Variants in NBEAL2 observed in about 807,000 individuals in gnomAD.
NBEAL2 encodes the protein neurobeachin like 2, also known as neurobeachin-like protein 2.
NBEAL2 carries 160 observed loss-of-function variants against 299.8 expected under a neutral mutation model. The observed-to-expected ratio is 0.53, with a 90% CI of 0.47 to 0.61. The LOEUF is 0.61. Among genes scored for constraint, NBEAL2 ranks in the 20% least tolerant of loss-of-function variants. The pLI, the probability that NBEAL2 is intolerant of heterozygous loss-of-function variation, is 0.00. For missense variants in NBEAL2, 3,112 were observed against 3,649.0 expected (o/e 0.85, Z 3.79); for synonymous variants, 1,493 against 1,542.3 (o/e 0.97, Z 0.75).
chr3:47,004,051 C>G lies in NBEAL2; in HGVS notation c.5882-26C>G, dbSNP rs993843866. ...CTGGGTGGGGCTGGGGTGAGTGACT[C>G]CCGTACCTGCTGTTCCTCCCCATAG... On this transcript the variant is annotated intron_variant, in intron 36 of 53. Transcript: ENST00000450053. This position sits in a 1 kb window ranked among gnomAD's most constrained non-coding sequence, Gnocchi z 5.0. The G allele has an allele frequency of 4.4e-6, 7 of 1,606,866 alleles. No homozygotes were observed. The highest frequency in any genetic ancestry group is 6.0e-6 in the Non-Finnish European group (7 of 1,175,282).
intron 10 of NBEAL2, among the ~76,000 whole-genome samples, chr3:46,993,067 C>T (rs2036223124): frequency 1.3e-5 from 2 of 152,210 alleles, no homozygotes. Context: ...TCTGGGGGCT[C>T]AACCTGTGGG....
chr3:47,003,792 G>A lies in NBEAL2; in HGVS notation c.5721-24G>A, dbSNP rs111726694. The A allele has an allele frequency of 3.2e-3, 5,004 of 1,570,984 alleles. 123 individuals carry two copies. In the African/African-American group the frequency reaches 0.057, roughly 18 times the overall value. ...AGAAGGGGGTCCCAGAGCCTACAGC[G>A]TGAGGTGGGTTGCTGGTCTTTAGGA... On this transcript the variant is annotated intron_variant, in intron 35 of 53. Transcript: ENST00000450053. The surrounding 1 kb of genome is among the most constrained non-coding windows in gnomAD (Gnocchi z 7.0).
At chr3:47,008,718 G>A in intron 52 of NBEAL2, 50 bp downstream of exon 52, 5 of 1,607,418 alleles carry the variant, frequency 3.1e-6, no homozygotes, top group Non-Finnish European at 4.2e-6. Flanking sequence ...GTGGTCATTG[G>A]TGTAGGATAA....
Position 47,001,821 on chromosome 3 carries a change from C to G in NBEAL2, c.4777C>G (p.Pro1593Ala). 1 of 1,613,762 alleles carries G rather than the reference C, an allele frequency of 6.2e-7. No individual in the cohort carries two copies. The highest frequency in any genetic ancestry group is 8.5e-7 in the Non-Finnish European group (1 of 1,179,876). ...LVLGYILLED[P>A]QLHAQAYVRL... ...ACTTGGCTACATCCTGCTGGAAGACCCACAGGTGAGCACAGGGTGAGCATG... is the reference window on the plus strand; with the variant it reads ...ACTTGGCTACATCCTGCTGGAAGACGCACAGGTGAGCACAGGGTGAGCATG... Residue 1593 changes from proline to alanine, a missense_variant, in exon 30 of 54, where the codon CCA becomes GCA. Pro to Ala is a conservative substitution (Grantham distance 27). Coordinates refer to ENST00000450053, the MANE Select transcript of NBEAL2 (RefSeq NM_015175.3). The surrounding 1 kb of genome is among the most constrained non-coding windows in gnomAD (Gnocchi z 6.1).
Position 47,003,135 on chromosome 3 carries a change from C to A in NBEAL2, c.5585-39C>A, listed in dbSNP as rs758177445. 1 of 1,608,854 alleles carries A rather than the reference C, an allele frequency of 6.2e-7. No individual in the cohort carries two copies. On this transcript the variant is annotated intron_variant, in intron 34 of 53. Coordinates refer to ENST00000450053, the MANE Select transcript of NBEAL2 (RefSeq NM_015175.3). This position sits in a 1 kb window ranked among gnomAD's most constrained non-coding sequence, Gnocchi z 7.0. ...CCAACTCGATTGTCCCGTCTCCTGT[C>A]CTGCCTTGCTTCTGCTGAGTACCCT...
intron 1 of NBEAL2, among the ~76,000 whole-genome samples, chr3:46,981,436 G>A (rs1457118520): frequency 5.3e-5 from 8 of 151,642 alleles, no homozygotes; most frequent in Non-Finnish European, 8.8e-5. Context: ...GTGAGACTCC[G>A]TCTCAAAAAA....
At chr3:47,002,928 C>A in intron 33 of NBEAL2, 29 bp from the exon 34 acceptor site, 1 of 1,609,956 alleles carries the variant, frequency 6.2e-7, no homozygotes, top group South Asian at 1.1e-5. Context: ...AGCCTTCTAC[C>A]GACCCATGAC....
chr3:46,994,015 G>A lies in NBEAL2; in HGVS notation c.1192G>A (p.Ala398Thr). 1 of 1,609,436 alleles carries A rather than the reference G, an allele frequency of 6.2e-7. No individual in the cohort carries two copies. The highest frequency in any genetic ancestry group is 2.2e-5 in the East Asian group (1 of 44,730). The change falls in exon 11 of 54, where the codon GCC becomes ACC. Residue 398 changes from alanine to threonine, a missense_variant. This residue lies in a region of NBEAL2 where 2,243 missense variants were observed against 2,538.1 expected (regional missense o/e 0.88). Transcript: ENST00000450053. ...CTGCATCATGAGTGACTCCCCCTCG[G>A]CCAAGGTGAGGCTGCTGCACTGCAG... The part of the protein sequence containing the change: ...LTCIMSDSPS[A>T]KEVFKERIGY...
intron 1 of NBEAL2, chr3:46,987,930 C>G: frequency 8.4e-7 from 1 of 1,189,678 alleles, no homozygotes. Flanking sequence ...GTCCCCCTCC[C>G]CCACCGTGAC....
intron 19 of NBEAL2, 29 bp from the exon 20 acceptor site, chr3:46,997,532 A>G (rs752304229): frequency 6.3e-7 from 1 of 1,581,122 alleles, no homozygotes; most frequent in Non-Finnish European, 8.6e-7. Context: ...CCCTTGACAC[A>G]CATCTGTCCC....
Position 46,999,428 on chromosome 3 carries a change from T to G in NBEAL2, c.3657T>G (p.Val1219=). The change falls in exon 25 of 54, where the codon GTT becomes GTG. Residue 1219 remains valine (V), a synonymous_variant. Transcript: ENST00000450053. Reference sequence around the variant, plus strand: ...TTGCCTGCTTGCCTGAGGGGACTGTTTCCCCCCAGCTCTGCCAGGGCCTCT... The same window carrying G: ...TTGCCTGCTTGCCTGAGGGGACTGTGTCCCCCCAGCTCTGCCAGGGCCTCT... ...GLVACLPEGT[V]SPQLCQGLYK... is the part of the protein sequence containing the mutation. The G allele has an allele frequency of 6.3e-7, 1 of 1,589,208 alleles. No homozygotes were observed. Among genetic ancestry groups the G allele is most frequent in the Non-Finnish European group, 8.6e-7 (1 of 1,168,494 alleles).
At position 47,005,304 on chromosome 3, in the gene NBEAL2, C is replaced by A. The variant is rs769573501; in HGVS notation, c.6543C>A (p.Val2181=). The change falls in exon 40 of 54, where the codon GTC becomes GTA. Residue 2181 remains valine (V), a synonymous_variant. Transcript: ENST00000450053. The part of the protein sequence containing the change: ...IRVEPFTSLH[V]QLQSGRFDCS... ...TGGAGCCCTTCACCTCCCTGCACGTCCAGCTGCAAAGTGGCCGGTGCGGCC... is the reference window on the plus strand; with the variant it reads ...TGGAGCCCTTCACCTCCCTGCACGTACAGCTGCAAAGTGGCCGGTGCGGCC... 2 of 1,612,412 alleles carry A rather than the reference C, an allele frequency of 1.2e-6. No individual in the cohort carries two copies. The highest frequency in any genetic ancestry group is 1.7e-5 in the Admixed American group (1 of 59,918).
Position 46,998,499 on chromosome 3 carries a change from A to C in NBEAL2, c.3155A>C (p.His1052Pro), listed in dbSNP as rs1231644166. 2 of 1,613,360 alleles carry C rather than the reference A, an allele frequency of 1.2e-6. No individual in the cohort carries two copies. The highest frequency in any genetic ancestry group is 1.7e-6 in the Non-Finnish European group (2 of 1,179,786). Residue 1052 changes from histidine to proline, a missense_variant, in exon 22 of 54, where the codon CAC (histidine) becomes CCC (proline). By Grantham distance (77) the His-to-Pro change is moderately conservative (BLOSUM62 -2). Around this residue, in one of 3 missense-constraint regions of NBEAL2, gnomAD observed 2,243 missense variants for 2,538.1 expected, o/e 0.88. Transcript: ENST00000450053. ...IQYMSSIVREHRQKLRKKYGV... is the reference protein window; with the variant it reads ...IQYMSSIVREPRQKLRKKYGV... ...TACATGTCCAGCATAGTTCGGGAGC[A>C]CAGACAGAAGCTGCGGAAGAAGTAC...
At chr3:46,997,833 A>G in intron 20 of NBEAL2, 139 bp downstream of exon 20, 7 of 1,307,674 alleles carry the variant, frequency 5.4e-6, no homozygotes, top group Non-Finnish European at 7.1e-6. Context: ...AAGGCCGAGC[A>G]GGGTTGGGTC....
chr3:47,002,994 G>A lies in NBEAL2; in HGVS notation c.5497G>A (p.Glu1833Lys), dbSNP rs1341020147. The change falls in exon 34 of 54, where the codon GAG becomes AAG. Residue 1833 changes from glutamate to lysine, a missense_variant. Glu to Lys is a moderately conservative substitution (Grantham distance 56). Transcript: ENST00000450053. ...CCCCCGCTGGAAACTGTCCAGCGCCGAGACATATTCACGCATGCGTCTGAA... is the reference window on the plus strand; with the variant it reads ...CCCCCGCTGGAAACTGTCCAGCGCCAAGACATATTCACGCATGCGTCTGAA... ...PIPRWKLSSA[E>K]TYSRMRLKLV... 7 of 1,613,346 alleles carry A rather than the reference G, an allele frequency of 4.3e-6. No individual in the cohort carries two copies. Among genetic ancestry groups the A allele is most frequent in the Non-Finnish European group, 5.9e-6 (7 of 1,179,844 alleles).
rs1351903234 is a variant in NBEAL2, at chr3:47,000,739, C to T, written c.4306-262C>T. ...TGGGCTTCTGGGTTTGGGGATGGGC[C>T]TCTGCTTGTTCTATGTGAACTGCCT... is the stretch of plus-strand genomic sequence containing the variant. On this transcript the variant is annotated intron_variant, in intron 27 of 53. Transcript: ENST00000450053. This position sits in a 1 kb window ranked among gnomAD's most constrained non-coding sequence, Gnocchi z 4.5. 6.6e-6 allele frequency among the ~76,000 whole-genome samples: 1 copy of T among 152,190 alleles called. No homozygotes were observed. Among genetic ancestry groups the T allele is most frequent in the African/African-American group, 2.4e-5 (1 of 41,440 alleles).
In NBEAL2 at chr3:47,002,380, A is replaced by C; in HGVS notation, c.5161A>C (p.Thr1721Pro). 1 of 1,613,626 alleles carries C rather than the reference A, an allele frequency of 6.2e-7. No homozygotes were observed. Among genetic ancestry groups the C allele is most frequent in the Non-Finnish European group, 8.5e-7 (1 of 1,179,876 alleles). ...RHFIDKQVQP[T>P]MSQFEMDTYA... Reference sequence around the variant, plus strand: ...CTGCCCAATCCTCCAGGTACAGCCAACCATGTCCCAGTTCGAAATGGACAC... The same window carrying C: ...CTGCCCAATCCTCCAGGTACAGCCACCCATGTCCCAGTTCGAAATGGACAC... The change falls in exon 32 of 54, where the codon ACC becomes CCC. Residue 1721 changes from threonine to proline, a missense_variant. By Grantham distance (38) the Thr-to-Pro change is conservative. This residue lies in a region of NBEAL2 where 2,243 missense variants were observed against 2,538.1 expected (regional missense o/e 0.88). Coordinates refer to ENST00000450053, the MANE Select transcript of NBEAL2 (RefSeq NM_015175.3).
rs1486105582 is a variant in NBEAL2 at position 46,989,235 on chromosome 3, T to G, written c.352-25T>G. ...AGGCAGGCGGTAGCCATGGCGGGGC[T>G]AACCCTCTCTCCCCACACCTACAGC... On this transcript the variant is annotated intron_variant, in intron 4 of 53. Transcript: ENST00000450053. This position sits in a 1 kb window ranked among gnomAD's most constrained non-coding sequence, Gnocchi z 5.5. The G allele has an allele frequency of 6.2e-7, 1 of 1,612,210 alleles. No individual in the cohort carries two copies. The highest frequency in any genetic ancestry group is 2.2e-5 in the East Asian group (1 of 44,828).
At chr3:47,007,215 C>T (rs758074068) in intron 46 of NBEAL2, 26 bp from the exon 47 acceptor site, 4 of 1,609,434 alleles carry the variant, frequency 2.5e-6, no homozygotes, top group Middle Eastern at 1.7e-4. Context: ...TGCCAGAAAC[C>T]CACCTCTGCC....
Sources: allele counts gnomAD v4.1 joint callset (sites outside exome capture counted in the v4.1 genomes callset), GRCh38; gene constraint gnomAD v4.1.1; regional missense constraint gnomAD v4.1.1; non-coding constraint Gnocchi (gnomAD v3.1); transcripts MANE v1.5; gene names NCBI Gene and HGNC (gene_info 2026-07-23, HGNC 2026-07-21).